The following TMEM35A variants were observed in gnomAD, a reference collection of about 807,000 sequenced individuals.
The protein encoded by TMEM35A is transmembrane protein 35A, also known as nicotinic acetylcholine receptor chaperone.
For missense variants in TMEM35A, 83 were observed against 132.7 expected, an observed-to-expected ratio of 0.63 and a Z score of 1.84; for synonymous variants, 50 against 54.7, an observed-to-expected ratio of 0.91 and a Z score of 0.38.
chrX:101,089,240 G>A (rs1016367345), intron 1 of TMEM35A, among the ~76,000 whole-genome samples: 2 of 111,294 alleles, frequency 1.8e-5, no homozygotes, highest in Non-Finnish European at 3.8e-5. Context: ...TCAGGAATAG[G>A]GTAGGAACTA....
chrX:101,078,944 C>T lies in TMEM35A; in HGVS notation c.-59C>T, dbSNP rs1030191418. ...CTCTCCCTGTGCTAACTGCCTGCAC[C>T]TTGGACAGAGCGGGTGCGCAAATCA... is the stretch of plus-strand genomic sequence containing the variant. On this transcript the variant is annotated 5_prime_UTR_variant, in exon 1 of 2. Transcript: ENST00000372930. The T allele has an allele frequency of 1.1e-5, 13 of 1,204,866 alleles. No homozygotes were observed. Among genetic ancestry groups the T allele is most frequent in the Non-Finnish European group, 1.5e-5 (13 of 892,182 alleles).
chrX:101,094,530 T>C, intron 1 of TMEM35A, 43 bp from the exon 2 acceptor site: 1 of 1,145,386 alleles, frequency 8.7e-7, no homozygotes, highest in Non-Finnish European at 1.2e-6. Context: ...AATGTTAAAA[T>C]CATGGTTAAT....
chrX:101,082,113 T>G, intron 1 of TMEM35A, among the ~76,000 whole-genome samples: 1 of 101,252 alleles, frequency 9.9e-6, no homozygotes. Context: ...ATTTGATTTC[T>G]TTTTTCTTTT....
rs191566184 is a variant in TMEM35A, at chrX:101,093,815, G to T, written c.121-758G>T. ...AGGCTGAGAAGTCCAAGATCAAGGTGGGAGCAGTTTGGTGTCTATTGAGGG... is the reference window on the plus strand; with the variant it reads ...AGGCTGAGAAGTCCAAGATCAAGGTTGGAGCAGTTTGGTGTCTATTGAGGG... On this transcript the variant is annotated intron_variant, in intron 1 of 1. Coordinates refer to ENST00000372930, the MANE Select transcript of TMEM35A (RefSeq NM_021637.3). Among the ~76,000 whole-genome samples, 25 of 111,453 alleles carry T rather than the reference G, an allele frequency of 2.2e-4. No individual in the cohort carries two copies. The East Asian group carries it at 5.6e-3, about 25-fold the overall frequency.
chrX:101,083,526 TTATG>T (rs1363734954), intron 1 of TMEM35A, among the ~76,000 whole-genome samples: 2 of 112,018 alleles, frequency 1.8e-5, no homozygotes, highest in Admixed American at 1.9e-4. Flanking sequence ...GCCCTTCTGT[TTATG>T]TAATCCTGAG....
At position 101,094,953 on chromosome X, in the gene TMEM35A, A is replaced by C; in HGVS notation, c.501A>C (p.Ser167=). ...EKAPQGKVKV[S] ...CCCCTCAGGGCAAAGTGAAGGTGTC[A>C]TAGAAAAGTGGAAGTGCAAAGAGTG... The change falls in exon 2 of 2, where the codon TCA becomes TCC. Residue 167 remains serine, a synonymous_variant. Transcript: ENST00000372930. The C allele has an allele frequency of 8.5e-7, 1 of 1,176,343 alleles. No homozygotes were observed. Among genetic ancestry groups the C allele is most frequent in the South Asian group, 1.9e-5 (1 of 51,993 alleles).
At chrX:101,086,442 A>G (rs1893110907) in intron 1 of TMEM35A, among the ~76,000 whole-genome samples, 2 of 112,068 alleles carry the variant, frequency 1.8e-5, no homozygotes, top group South Asian at 7.3e-4. Flanking sequence ...TTCATTAATG[A>G]TCAAATGTGT....
At chrX:101,079,826 C>T (rs2089286696) in intron 1 of TMEM35A, among the ~76,000 whole-genome samples, 1 of 111,782 alleles carries the variant, frequency 8.9e-6, no homozygotes. Context: ...GCAAACAGTC[C>T]GTAATCCCCA....
chrX:101,086,952 C>CTTTTT (rs144682101), intron 1 of TMEM35A, among the ~76,000 whole-genome samples: 4 of 72,694 alleles, frequency 5.5e-5, no homozygotes, highest in African/African-American at 1.1e-4. Context: ...TAATAGGATT[C>CTTTTT]TTTTTTTTTT....
intron 1 of TMEM35A, among the ~76,000 whole-genome samples, chrX:101,087,821 T>C (rs890839867): frequency 1.8e-5 from 2 of 110,967 alleles, no homozygotes; most frequent in African/African-American, 6.6e-5. Context: ...CTGGCCAACA[T>C]AGTGAAATGT....
Position 101,094,706 on chromosome X carries a change from G to A in TMEM35A, c.254G>A (p.Arg85His), listed in dbSNP as rs746305677. ...CGIVMTLVPG[R>H]PKDVANFFLL... ...ATCGTCATGACCCTTGTGCCTGGGC[G>A]TCCCAAAGATGTGGCCAACTTCTTC... Residue 85 changes from arginine to histidine, a missense_variant, in exon 2 of 2, where the codon CGT becomes CAT. Arg to His is a conservative substitution (Grantham distance 29). Transcript: ENST00000372930. 41 of 1,209,350 alleles carry A rather than the reference G, an allele frequency of 3.4e-5. No individual in the cohort carries two copies. Among genetic ancestry groups the A allele is most frequent in the Non-Finnish European group, 4.2e-5 (38 of 895,229 alleles).
chrX:101,094,605 C>T lies in TMEM35A; in HGVS notation c.153C>T (p.Leu51=), dbSNP rs748303170. 2.5e-6 allele frequency: 3 copies of T among 1,209,928 alleles called. No homozygotes were observed. The highest frequency in any genetic ancestry group is 5.9e-5 in the East Asian group (2 of 33,838). The change falls in exon 2 of 2, where the codon CTC becomes CTT. Residue 51 remains leucine, a synonymous_variant. Transcript: ENST00000372930. The stretch of plus-strand genomic sequence containing the variant: ...CTTACAAGAGCTATGTTCGAGCCCT[C>T]CCTCTGCTGAAGAAAATGGGGATCA... ...KRAYKSYVRA[L]PLLKKMGINS...
At chrX:101,080,739 C>T (rs1329684157) in intron 1 of TMEM35A, among the ~76,000 whole-genome samples, 1 of 110,164 alleles carries the variant, frequency 9.1e-6, no homozygotes, top group Non-Finnish European at 1.9e-5. Context: ...CATGCTCTTG[C>T]TTTACTTTTC....
chrX:101,090,463 C>T (rs989621986), intron 1 of TMEM35A, among the ~76,000 whole-genome samples: 1 of 109,173 alleles, frequency 9.2e-6, no homozygotes, highest in Non-Finnish European at 1.9e-5. Flanking sequence ...CCATCACGTC[C>T]GGCCTCTCTT....
At chrX:101,083,070 A>T (rs2089297364) in intron 1 of TMEM35A, among the ~76,000 whole-genome samples, 1 of 112,117 alleles carries the variant, frequency 8.9e-6, no homozygotes, top group African/African-American at 3.2e-5. Context: ...GATCTCATGC[A>T]GAACTTCCAG....
chrX:101,086,566 T>C (rs1202261075), intron 1 of TMEM35A, among the ~76,000 whole-genome samples: 2 of 112,362 alleles, frequency 1.8e-5, no homozygotes, highest in Admixed American at 1.9e-4. Flanking sequence ...TACTTAGTAA[T>C]TTTCTCCAAG....
chrX:101,089,429 T>C (rs987735548), intron 1 of TMEM35A, among the ~76,000 whole-genome samples: 16 of 109,979 alleles, frequency 1.5e-4, no homozygotes, highest in African/African-American at 5.3e-4. Context: ...CCTCTTAAAT[T>C]TTCCACCCAA....
In TMEM35A at chrX:101,080,210, A is replaced by G. The variant is rs769381558; in HGVS notation, c.120+1088A>G. ...ACAGAAGGGGAAAGAGAAAAGAGGCAAGCCCTTTTAGGGCTGAGGCAGGGA... is the reference window on the plus strand; with the variant it reads ...ACAGAAGGGGAAAGAGAAAAGAGGCGAGCCCTTTTAGGGCTGAGGCAGGGA... On this transcript the variant is annotated intron_variant, in intron 1 of 1. Coordinates refer to ENST00000372930, the MANE Select transcript of TMEM35A (RefSeq NM_021637.3). 4.5e-5 allele frequency among the ~76,000 whole-genome samples: 5 copies of G among 111,717 alleles called. No individual in the cohort carries two copies. In the East Asian group the frequency reaches 1.4e-3, roughly 31 times the overall value.
Position 101,080,040 on chromosome X carries a change from G to A in TMEM35A, c.120+918G>A, listed in dbSNP as rs758960609. 1.1e-4 allele frequency among the ~76,000 whole-genome samples: 12 copies of A among 111,585 alleles called. No homozygotes were observed. The South Asian group carries it at 3.4e-3, about 32-fold the overall frequency. On this transcript the variant is annotated intron_variant, in intron 1 of 1. Coordinates refer to ENST00000372930, the MANE Select transcript of TMEM35A (RefSeq NM_021637.3). Reference sequence around the variant, plus strand: ...GGCAGGGAATGTTTCCAGCACTTTCGGGTCTGTCCCTTCTTCCCCTGTCAC... The same window carrying A: ...GGCAGGGAATGTTTCCAGCACTTTCAGGTCTGTCCCTTCTTCCCCTGTCAC...
Sources: gnomAD v4.1 joint callset for allele counts (sites outside exome capture counted in the v4.1 genomes callset) on GRCh38, gnomAD v4.1.1 for gene constraint, MANE v1.5 for transcripts, NCBI Gene and HGNC (gene_info 2026-07-23, HGNC 2026-07-21) for gene names.